Variants in LRP1B observed in about 807,000 individuals in gnomAD.
The protein encoded by LRP1B is low-density lipoprotein receptor-related protein 1B.
LRP1B carries 217 observed loss-of-function variants against 556.6 expected under a neutral mutation model. That is an observed-to-expected ratio of 0.39 (90% CI 0.35 to 0.44). The LOEUF is 0.44. Ranked by LOEUF, LRP1B falls within the 20% of genes least tolerant of loss-of-function variation. LRP1B has a pLI of 1.00. For synonymous variants in LRP1B, 2,047 were observed against 1,865.8 expected, an observed-to-expected ratio of 1.10 and a Z score of -2.50; for missense variants, 5,053 against 5,620.8, an observed-to-expected ratio of 0.90 and a Z score of 3.23.
intron 1 of LRP1B, among the ~76,000 whole-genome samples, chr2:141,880,571 A>AT (rs1264029537): frequency 1.3e-5 from 2 of 152,002 alleles, no homozygotes; most frequent in African/African-American, 2.4e-5. Context: ...TAGTGAAATG[A>AT]TTTTTTTGGT....
intron 43 of LRP1B, among the ~76,000 whole-genome samples, chr2:140,564,593 C>T (rs1681058088): frequency 6.6e-6 from 1 of 152,024 alleles, no homozygotes; most frequent in African/African-American, 2.4e-5. Flanking sequence ...ATTTGGCATT[C>T]AATACTAAGA....
At chr2:141,102,262 A>T (rs1700479971) in intron 7 of LRP1B, among the ~76,000 whole-genome samples, 1 of 152,252 alleles carries the variant, frequency 6.6e-6, no homozygotes, top group South Asian at 2.1e-4. Context: ...ATATAATGAT[A>T]ATCATGACCA....
intron 59 of LRP1B, among the ~76,000 whole-genome samples, chr2:140,482,139 G>C (rs1381276718): frequency 2.4e-5 from 3 of 123,128 alleles, no homozygotes; most frequent in African/African-American, 7.6e-5. Flanking sequence ...GAAGACAGGG[G>C]ACCATGCATT....
At chr2:141,941,107 T>C (rs1358572278) in intron 1 of LRP1B, among the ~76,000 whole-genome samples, 1 of 152,186 alleles carries the variant, frequency 6.6e-6, no homozygotes, top group Non-Finnish European at 1.5e-5. Context: ...ACCAATGCAA[T>C]GGCCTGAAAG....
chr2:141,134,725 CAA>C (rs59459189), intron 7 of LRP1B, among the ~76,000 whole-genome samples: 8,514 of 140,684 alleles, frequency 0.061, 306 homozygotes, highest in African/African-American at 0.1. Context: ...CAATAACTAC[CAA>C]AAAAAAAAAA....
At chr2:141,285,794 C>T (rs1238386166) in intron 3 of LRP1B, among the ~76,000 whole-genome samples, 13 of 137,744 alleles carry the variant, frequency 9.4e-5, no homozygotes, top group African/African-American at 2.6e-4. Context: ...AGGCCGGGCG[C>T]GGTGGCTCAC....
At chr2:141,586,941 C>CAAAAAAAAAAAAAAAAAA (rs769891211) in intron 2 of LRP1B, among the ~76,000 whole-genome samples, 1 of 71,514 alleles carries the variant, frequency 1.4e-5, no homozygotes, top group Non-Finnish European at 2.7e-5. Context: ...GACTCCATCT[C>CAAAAAAAAAAAAAAAAAA]AAAAAAAAAA....
At chr2:140,674,597 CT>C (rs1685605654) in intron 41 of LRP1B, among the ~76,000 whole-genome samples, 1 of 152,142 alleles carries the variant, frequency 6.6e-6, no homozygotes, top group South Asian at 2.1e-4. Context: ...GTTGTCTTGC[CT>C]TTCCCAACTG....
intron 4 of LRP1B, among the ~76,000 whole-genome samples, chr2:141,251,552 G>C (rs529935284): frequency 2.0e-5 from 3 of 152,208 alleles, no homozygotes; most frequent in African/African-American, 4.8e-5. Context: ...TACGGTGATA[G>C]CCAGTGGAAA....
At chr2:141,510,195 G>GAC (rs59647485) in intron 2 of LRP1B, among the ~76,000 whole-genome samples, 2,481 of 94,970 alleles carry the variant, frequency 0.026, 24 homozygotes, top group African/African-American at 0.051. Flanking sequence ...CGGCAATACA[G>GAC]ACACACACAC....
chr2:140,741,652 T>C (rs2104868390), intron 35 of LRP1B, among the ~76,000 whole-genome samples: 1 of 151,766 alleles, frequency 6.6e-6, no homozygotes, highest in East Asian at 1.9e-4. Context: ...CATTCTCAAG[T>C]AGGCCTCTGT....
chr2:141,695,407 A>T (rs185327178), intron 2 of LRP1B, among the ~76,000 whole-genome samples: 2 of 152,164 alleles, frequency 1.3e-5, no homozygotes, highest in East Asian at 3.9e-4. Flanking sequence ...ATTGCCTAAT[A>T]GTGATAATAA....
intron 1 of LRP1B, among the ~76,000 whole-genome samples, chr2:141,929,903 G>A (rs1304026765): frequency 5.3e-5 from 5 of 94,374 alleles, no homozygotes; most frequent in Non-Finnish European, 9.7e-5. Context: ...GAGAAACCGC[G>A]GATGGAAACA....
intron 2 of LRP1B, among the ~76,000 whole-genome samples, chr2:141,676,277 T>C (rs962648227): frequency 4.6e-5 from 7 of 152,116 alleles, no homozygotes; most frequent in Non-Finnish European, 8.8e-5. Flanking sequence ...GACCATTACG[T>C]AGTCAAAAAT....
chr2:141,520,868 G>A (rs925486783), intron 2 of LRP1B, among the ~76,000 whole-genome samples: 1 of 151,872 alleles, frequency 6.6e-6, no homozygotes, highest in Admixed American at 6.6e-5. Flanking sequence ...AAAAAAGCAG[G>A]TCAGTGTGCT....
chr2:141,204,355 T>C (rs143689009), intron 6 of LRP1B, among the ~76,000 whole-genome samples: 32 of 152,328 alleles, frequency 2.1e-4, no homozygotes, highest in African/African-American at 7.7e-4. Context: ...CACTGAGGCA[T>C]CCTGAAAGTT....
intron 1 of LRP1B, among the ~76,000 whole-genome samples, chr2:141,940,908 C>G (rs1178280396): frequency 6.6e-6 from 1 of 152,174 alleles, no homozygotes; most frequent in Non-Finnish European, 1.5e-5. Flanking sequence ...GTTACTTACC[C>G]AACGTCACCT....
At chr2:141,959,673 ATAT>A (rs1177769768) in intron 1 of LRP1B, among the ~76,000 whole-genome samples, 1 of 152,000 alleles carries the variant, frequency 6.6e-6, no homozygotes, top group Non-Finnish European at 1.5e-5. Flanking sequence ...TACATTTAAA[ATAT>A]TATTTCAACA....
chr2:140,737,854 G>A (rs752885269), intron 35 of LRP1B, among the ~76,000 whole-genome samples: 47 of 152,286 alleles, frequency 3.1e-4, no homozygotes, highest in Admixed American at 4.6e-4. Context: ...CCTTAATCAC[G>A]TAATAGCCCT....
Sources: allele counts gnomAD v4.1 joint callset (sites outside exome capture counted in the v4.1 genomes callset), GRCh38; gene constraint gnomAD v4.1.1; transcripts MANE v1.5; gene names NCBI Gene and HGNC (gene_info 2026-07-23, HGNC 2026-07-21).